Variants in CDH18 observed in about 807,000 individuals in gnomAD.
CDH18 encodes cadherin 18, also known as cadherin-18.
Under a neutral mutation model 67.9 loss-of-function variants are expected in CDH18, and 31 were observed. That is an observed-to-expected ratio of 0.46 (90% CI 0.34 to 0.62). The LOEUF (loss-of-function observed/expected upper bound fraction) is 0.62. Among genes scored for constraint, CDH18 ranks in the 20% least tolerant of loss-of-function variants. CDH18 has a pLI of 0.01. For synonymous variants in CDH18, 362 were observed against 347.2 expected (o/e 1.04, Z -0.48); for missense variants, 890 against 975.5 (o/e 0.91, Z 1.17).
intron 4 of CDH18, among the ~76,000 whole-genome samples, chr5:19,726,935 T>A (rs1195297305): frequency 6.6e-6 from 1 of 152,126 alleles, no homozygotes; most frequent in African/African-American, 2.4e-5. Context: ...CCTCATTCCT[T>A]CTGCCATATG....
intron 2 of CDH18, among the ~76,000 whole-genome samples, chr5:20,151,296 T>C (rs1335547912): frequency 2.6e-5 from 4 of 152,152 alleles, no homozygotes; most frequent in Admixed American, 2.0e-4. Flanking sequence ...GCTCCATCCA[T>C]GTTTGCTGCA....
intron 1 of CDH18, among the ~76,000 whole-genome samples, chr5:20,352,696 G>A (rs897803531): frequency 1.3e-5 from 2 of 151,864 alleles, no homozygotes; most frequent in African/African-American, 4.8e-5. Context: ...GGGAGGCTGA[G>A]GCAGGAGAAT....
At chr5:19,654,599 C>A (rs1349422358) in intron 5 of CDH18, among the ~76,000 whole-genome samples, 2 of 152,148 alleles carry the variant, frequency 1.3e-5, no homozygotes, top group Non-Finnish European at 2.9e-5. Context: ...CCTACGACTC[C>A]TGAAGCTCCA....
intron 5 of CDH18, among the ~76,000 whole-genome samples, chr5:19,720,205 T>G (rs1002626439): frequency 6.6e-6 from 1 of 152,180 alleles, no homozygotes; most frequent in African/African-American, 2.4e-5. Flanking sequence ...TGTAGACTTA[T>G]GGAACAAGGT....
intron 3 of CDH18, among the ~76,000 whole-genome samples, chr5:19,788,267 A>G (rs1776020737): frequency 6.6e-6 from 1 of 152,206 alleles, no homozygotes; most frequent in African/African-American, 2.4e-5. Flanking sequence ...ACTTTTCAAG[A>G]TGGTAATGAT....
At chr5:20,185,018 T>C (rs1003170281) in intron 2 of CDH18, among the ~76,000 whole-genome samples, 1 of 152,096 alleles carries the variant, frequency 6.6e-6, no homozygotes, top group African/African-American at 2.4e-5. Flanking sequence ...TTTATCTTAC[T>C]CCATCATTAG....
intron 5 of CDH18, among the ~76,000 whole-genome samples, chr5:19,651,006 G>C (rs957267413): frequency 3.3e-5 from 5 of 151,882 alleles, no homozygotes; most frequent in African/African-American, 1.2e-4. Flanking sequence ...AGACAAAAAA[G>C]AGTACATTTA....
At chr5:20,157,717 A>G (rs1191720878) in intron 2 of CDH18, among the ~76,000 whole-genome samples, 1 of 150,362 alleles carries the variant, frequency 6.7e-6, no homozygotes. Context: ...ATCTTGGCTC[A>G]CTGCAGTCTC....
chr5:19,601,801 G>T (rs1013654724), intron 6 of CDH18, among the ~76,000 whole-genome samples: 5 of 151,454 alleles, frequency 3.3e-5, no homozygotes, highest in African/African-American at 1.2e-4. Context: ...TTCAACATAT[G>T]AAAATCAATT....
chr5:19,917,396 A>G (rs1013778260), intron 2 of CDH18, among the ~76,000 whole-genome samples: 1 of 144,360 alleles, frequency 6.9e-6, no homozygotes, highest in African/African-American at 2.7e-5. Flanking sequence ...TCATATTTGC[A>G]TGTTCTTTTA....
At chr5:20,299,739 C>CA (rs1747814733) in intron 1 of CDH18, among the ~76,000 whole-genome samples, 1 of 113,854 alleles carries the variant, frequency 8.8e-6, no homozygotes. Context: ...GCCTGGGTGA[C>CA]AGAGCAAGGC....
intron 1 of CDH18, among the ~76,000 whole-genome samples, chr5:20,505,849 T>C (rs2126463331): frequency 6.6e-6 from 1 of 152,312 alleles, no homozygotes; most frequent in Admixed American, 6.5e-5. Flanking sequence ...TATTTCTGAA[T>C]GGCAGCATGC....
chr5:20,468,216 G>A (rs73060690), intron 1 of CDH18, among the ~76,000 whole-genome samples: 12,627 of 151,886 alleles, frequency 0.083, 1,693 homozygotes, highest in African/African-American at 0.28. Context: ...GGGTTTCATC[G>A]TGTTGGTCAG....
chr5:20,126,296 T>C (rs1201084026), intron 2 of CDH18, among the ~76,000 whole-genome samples: 1 of 152,176 alleles, frequency 6.6e-6, no homozygotes, highest in East Asian at 1.9e-4. Context: ...TCTTACACAA[T>C]ATACAAAAAT....
chr5:19,488,919 T>C (rs1346586939), intron 11 of CDH18, among the ~76,000 whole-genome samples: 1 of 152,156 alleles, frequency 6.6e-6, no homozygotes, highest in Non-Finnish European at 1.5e-5. Context: ...CTTGTTCATC[T>C]CAGTTTGCAA....
intron 2 of CDH18, among the ~76,000 whole-genome samples, chr5:19,961,597 A>C (rs1281565344): frequency 6.6e-6 from 1 of 152,136 alleles, no homozygotes; most frequent in African/African-American, 2.4e-5. Flanking sequence ...TTTCACATTG[A>C]AAATTAGAAA....
At chr5:20,136,890 T>C (rs1749773903) in intron 2 of CDH18, among the ~76,000 whole-genome samples, 1 of 152,332 alleles carries the variant, frequency 6.6e-6, no homozygotes, top group South Asian at 2.1e-4. Flanking sequence ...TAAAAATTCT[T>C]TTCTTTAAGA....
intron 3 of CDH18, among the ~76,000 whole-genome samples, chr5:19,765,906 G>C (rs1773027709): frequency 6.6e-6 from 1 of 150,502 alleles, no homozygotes; most frequent in African/African-American, 2.4e-5. Context: ...TTGAGACAGA[G>C]TCTCGCTCTG....
At chr5:19,971,855 A>G (rs973928023) in intron 2 of CDH18, among the ~76,000 whole-genome samples, 6 of 109,210 alleles carry the variant, frequency 5.5e-5, no homozygotes, top group South Asian at 6.0e-4. Context: ...CGTTAAAAAA[A>G]AAAAGAGAGA....
Sources: gnomAD v4.1 joint callset for allele counts (sites outside exome capture counted in the v4.1 genomes callset) on GRCh38, gnomAD v4.1.1 for gene constraint, MANE v1.5 for transcripts, NCBI Gene and HGNC (gene_info 2026-07-23, HGNC 2026-07-21) for gene names.